Variants in ZNF362 observed in about 807,000 individuals in gnomAD.
ZNF362 encodes rotund homolog.
A neutral mutation model predicts 42.9 loss-of-function variants in ZNF362; 11 were observed. That is an observed-to-expected ratio of 0.26 (90% CI 0.16 to 0.42). The LOEUF is 0.42. Ranked by LOEUF, ZNF362 falls within the 20% of genes least tolerant of loss-of-function variation. The pLI is 1.00. For synonymous variants in ZNF362, 255 were observed against 257.3 expected, an observed-to-expected ratio of 0.99 and a Z score of 0.09; for missense variants, 362 against 576.2, an observed-to-expected ratio of 0.63 and a Z score of 3.81.
At chr1:33,135,947 C>T in the ZNF362 span, among the ~76,000 whole-genome samples, 1 of 152,024 alleles carries the variant, frequency 6.6e-6, no homozygotes, top group African/African-American at 2.4e-5. Flanking sequence ...CCTCCCCACC[C>T]TGCCGGTAAT....
At chr1:33,259,315 A>G (rs963100778) in intron 1 of ZNF362, among the ~76,000 whole-genome samples, 1 of 152,214 alleles carries the variant, frequency 6.6e-6, no homozygotes, top group Non-Finnish European at 1.5e-5. Flanking sequence ...CCATGGAGAC[A>G]TGAACTTATC....
chr1:33,159,718 A>G, the ZNF362 span: 1 of 1,610,970 alleles, frequency 6.2e-7, no homozygotes, highest in Non-Finnish European at 8.5e-7. This position sits in a 1 kb window ranked among gnomAD's most constrained non-coding sequence, Gnocchi z 4.2. Context: ...CCCAGCCAGG[A>G]AGGTGTGCCG....
the ZNF362 span, among the ~76,000 whole-genome samples, chr1:33,167,315 T>G: frequency 1.3e-5 from 2 of 152,222 alleles, no homozygotes; most frequent in African/African-American, 4.8e-5. This position sits in a 1 kb window ranked among gnomAD's most constrained non-coding sequence, Gnocchi z 4.2. Flanking sequence ...GAATGTGAGT[T>G]TCATGAGAGT....
At chr1:33,173,031 C>G in the ZNF362 span, among the ~76,000 whole-genome samples, 1 of 152,224 alleles carries the variant, frequency 6.6e-6, no homozygotes, top group Non-Finnish European at 1.5e-5. Context: ...ACTGCTCTCT[C>G]TTTCCCTCTC....
chr1:33,289,004 C>T (rs1452522148), intron 6 of ZNF362, among the ~76,000 whole-genome samples: 1 of 152,166 alleles, frequency 6.6e-6, no homozygotes, highest in African/African-American at 2.4e-5. Context: ...GAGCCAGCCC[C>T]ATGCTGGGTG....
intron 1 of ZNF362, among the ~76,000 whole-genome samples, chr1:33,257,747 A>C (rs980466825): frequency 5.3e-5 from 8 of 152,164 alleles, no homozygotes; most frequent in African/African-American, 1.7e-4. Flanking sequence ...ATGAGGAAAT[A>C]ATCCTGCTGT....
the ZNF362 span, among the ~76,000 whole-genome samples, chr1:33,157,094 C>T: frequency 1.3e-5 from 2 of 152,102 alleles, no homozygotes; most frequent in East Asian, 1.9e-4. Flanking sequence ...AACCAGTTCA[C>T]GTCACTTCAT....
intron 8 of ZNF362, among the ~76,000 whole-genome samples, chr1:33,297,513 C>CTTTTTT (rs55931056): frequency 0.31 from 36,456 of 118,208 alleles, 7,894 homozygotes; most frequent in African/African-American, 0.5. Context: ...CATGATTCCT[C>CTTTTTT]TTTTTTTTTT....
the ZNF362 span, among the ~76,000 whole-genome samples, chr1:33,194,512 A>G: frequency 7.2e-6 from 1 of 139,440 alleles, no homozygotes; most frequent in Non-Finnish European, 1.5e-5. Flanking sequence ...AGCCTGGGTG[A>G]CGAGTGTGTG....
upstream of ZNF362, among the ~76,000 whole-genome samples, chr1:33,255,691 T>A (rs980246456): frequency 4.6e-5 from 7 of 152,044 alleles, no homozygotes; most frequent in Admixed American, 6.5e-5. Context: ...GGCCGCCCCA[T>A]CCGTCGGGGA....
At chr1:33,185,767 A>AT in the ZNF362 span, among the ~76,000 whole-genome samples, 2 of 64,766 alleles carry the variant, frequency 3.1e-5, no homozygotes, top group Non-Finnish European at 7.0e-5. Context: ...TAACATCAGG[A>AT]ATTTTTTTTT....
intron 1 of ZNF362, among the ~76,000 whole-genome samples, chr1:33,260,712 G>A (rs1453310227): frequency 6.6e-6 from 1 of 152,180 alleles, no homozygotes; most frequent in Non-Finnish European, 1.5e-5. Context: ...GGAAATGCTA[G>A]GGAGTCCAGG....
the ZNF362 span, among the ~76,000 whole-genome samples, chr1:33,155,938 C>T: frequency 1.8e-4 from 28 of 152,234 alleles, no homozygotes; most frequent in Non-Finnish European, 3.4e-4. Context: ...CTCCCATCTC[C>T]GCTGATGATC....
At chr1:33,232,769 T>C in the ZNF362 span, among the ~76,000 whole-genome samples, 25 of 152,264 alleles carry the variant, frequency 1.6e-4, no homozygotes, top group African/African-American at 5.1e-4. Flanking sequence ...GCTTAAGCCG[T>C]ATTTAGTTGG....
the ZNF362 span, among the ~76,000 whole-genome samples, chr1:33,131,929 A>G: frequency 6.6e-6 from 1 of 152,184 alleles, no homozygotes; most frequent in African/African-American, 2.4e-5. Flanking sequence ...AATGAAAATT[A>G]AATGTTAGGG....
the ZNF362 span, among the ~76,000 whole-genome samples, chr1:33,189,818 G>A: frequency 6.6e-6 from 1 of 150,606 alleles, no homozygotes; most frequent in Non-Finnish European, 1.5e-5. Flanking sequence ...ACCGATGTGA[G>A]GTTTCTACTG....
At chr1:33,295,814 G>A (rs1318954364) in intron 8 of ZNF362, among the ~76,000 whole-genome samples, 4 of 152,148 alleles carry the variant, frequency 2.6e-5, no homozygotes, top group African/African-American at 7.2e-5. Flanking sequence ...TCACCCCCAG[G>A]CGAATCGCTT....
At chr1:33,229,405 C>CT in the ZNF362 span, among the ~76,000 whole-genome samples, 1,795 of 136,498 alleles carry the variant, frequency 0.013, 16 homozygotes, top group Non-Finnish European at 0.02. Context: ...TCTATTCTGC[C>CT]TTTTTTTTTT....
the ZNF362 span, chr1:33,195,268 G>C: frequency 6.6e-6 from 1 of 152,140 alleles, no homozygotes. Context: ...TTTGCTCAAA[G>C]AATTTATGAA....
Sources: gnomAD v4.1 joint callset for allele counts (sites outside exome capture counted in the v4.1 genomes callset) on GRCh38, gnomAD v4.1.1 for gene constraint, Gnocchi (gnomAD v3.1) non-coding constraint, MANE v1.5 for transcripts, NCBI Gene and HGNC (gene_info 2026-07-23, HGNC 2026-07-21) for gene names.